Variants in PPP2R2B observed in about 807,000 individuals in gnomAD.
PPP2R2B encodes protein phosphatase 2 regulatory subunit Bbeta.
Under a neutral mutation model 46.0 loss-of-function variants are expected in PPP2R2B, and 5 were observed. The ratio of observed to expected loss-of-function variants is 0.11; its 90% confidence interval spans 0.06 to 0.23. PPP2R2B has a LOEUF of 0.23. Among genes scored for constraint, PPP2R2B ranks in the 10% least tolerant of loss-of-function variants. PPP2R2B has a pLI of 1.00. For missense variants in PPP2R2B, 367 were observed against 575.0 expected (o/e 0.64, Z 3.70); for synonymous variants, 215 against 206.7 (o/e 1.04, Z -0.34).
chr5:146,619,436 A>T (rs1209365029), intron 7 of PPP2R2B, among the ~76,000 whole-genome samples: 2 of 152,168 alleles, frequency 1.3e-5, no homozygotes, highest in Non-Finnish European at 2.9e-5. Context: ...AGCCTGGGTG[A>T]CAAAGCAAGA....
At chr5:146,682,261 T>G (rs1456577746) in intron 5 of PPP2R2B, among the ~76,000 whole-genome samples, 1 of 152,210 alleles carries the variant, frequency 6.6e-6, no homozygotes, top group Non-Finnish European at 1.5e-5. Context: ...GCATAATGAA[T>G]TGCTAGTCTC....
At chr5:146,597,445 C>T (rs186028000) in intron 8 of PPP2R2B, among the ~76,000 whole-genome samples, 7 of 152,270 alleles carry the variant, frequency 4.6e-5, no homozygotes, top group East Asian at 1.9e-4. Flanking sequence ...TCCCTACCTT[C>T]GATTCAGCAG....
intron 7 of PPP2R2B, among the ~76,000 whole-genome samples, chr5:146,628,719 A>G (rs1774224573): frequency 6.6e-6 from 1 of 152,222 alleles, no homozygotes; most frequent in African/African-American, 2.4e-5. Flanking sequence ...GCAAATGTGT[A>G]CTGGGAACCT....
At chr5:146,858,305 C>T (rs1264387295) in intron 2 of PPP2R2B, among the ~76,000 whole-genome samples, 2 of 152,094 alleles carry the variant, frequency 1.3e-5, no homozygotes, top group Non-Finnish European at 1.5e-5. Context: ...TGGTCCAGTG[C>T]AAATAATACT....
intron 2 of PPP2R2B, among the ~76,000 whole-genome samples, chr5:146,736,017 C>T (rs983523882): frequency 9.2e-5 from 14 of 152,128 alleles, no homozygotes; most frequent in African/African-American, 3.4e-4. Context: ...ATAATCCCCA[C>T]GTGTTATGGG....
chr5:146,872,004 C>T (rs1208801121), intron 2 of PPP2R2B, among the ~76,000 whole-genome samples: 1 of 152,112 alleles, frequency 6.6e-6, no homozygotes, highest in Non-Finnish European at 1.5e-5. Flanking sequence ...GTTTCTTTCC[C>T]TCAGCTAAGT....
intron 2 of PPP2R2B, among the ~76,000 whole-genome samples, chr5:146,828,040 A>G (rs1175205060): frequency 1.3e-5 from 2 of 152,086 alleles, no homozygotes; most frequent in Non-Finnish European, 2.9e-5. Flanking sequence ...ACAGAGACAG[A>G]GACAGACAAT....
At chr5:146,808,792 G>C (rs1309343755) in intron 2 of PPP2R2B, among the ~76,000 whole-genome samples, 1 of 152,190 alleles carries the variant, frequency 6.6e-6, no homozygotes, top group Non-Finnish European at 1.5e-5. Flanking sequence ...CAACTGTTGG[G>C]CCTTAAATTA....
chr5:146,889,996 G>A (rs1023415357), intron 1 of PPP2R2B, among the ~76,000 whole-genome samples: 4 of 152,360 alleles, frequency 2.6e-5, no homozygotes, highest in African/African-American at 9.6e-5. Flanking sequence ...AGACGAGCAT[G>A]AGACCTGGTG....
Position 146,798,789 on chromosome 5 carries a change from T to C in PPP2R2B, c.70+79213A>G, listed in dbSNP as rs542280521. Among the ~76,000 whole-genome samples, 17 of 152,294 alleles carry C rather than the reference T, an allele frequency of 1.1e-4. No homozygotes were observed. The East Asian group carries it at 2.5e-3, about 23-fold the overall frequency. ...GCACTAATATTATAGAAGGGAATTG[T>C]AGCTTCAGGAATTAACTTTCTCCAG... is the stretch of plus-strand genomic sequence containing the variant. On this transcript the variant is annotated intron_variant, in intron 2 of 9. Transcript: ENST00000394411.
chr5:147,051,264 G>A (rs1476001290), intron 1 of PPP2R2B, among the ~76,000 whole-genome samples: 1 of 152,178 alleles, frequency 6.6e-6, no homozygotes, highest in Non-Finnish European at 1.5e-5. Context: ...GTTCTGAATA[G>A]GTTGCGTCTG....
At chr5:146,663,012 T>G (rs2151110486) in intron 5 of PPP2R2B, among the ~76,000 whole-genome samples, 1 of 152,326 alleles carries the variant, frequency 6.6e-6, no homozygotes, top group African/African-American at 2.4e-5. Context: ...CTGATGAATC[T>G]TTTAATTTTT....
intron 1 of PPP2R2B, among the ~76,000 whole-genome samples, chr5:146,931,059 A>T (rs148564871): frequency 1.9e-3 from 281 of 149,588 alleles, no homozygotes; most frequent in African/African-American, 6.6e-3. Context: ...GCCAAAGATA[A>T]TTTTTTTTTT....
chr5:147,077,281 C>CACACAT lies in PPP2R2B; in HGVS notation c.50+3777_50+3778insATGTGT, dbSNP rs1312459595. 8.9e-5 allele frequency among the ~76,000 whole-genome samples: 12 copies of CACACAT among 135,154 alleles called. No individual in the cohort carries two copies. In the East Asian group the frequency reaches 2.3e-3, roughly 25 times the overall value. 88.7% of individuals were successfully genotyped at this position (135,154 alleles called of 152,430 possible). ...ACATATATGTATGTGTGTATACACACACACACACACACACACACACACACA... is the reference window on the plus strand; with the variant it reads ...ACATATATGTATGTGTGTATACACACACACATACACACACACACACACACACACACA... On this transcript the variant is annotated intron_variant, in intron 2 of 10. Transcript: ENST00000394413.
intron 2 of PPP2R2B, among the ~76,000 whole-genome samples, chr5:146,809,670 C>A (rs1026416451): frequency 9.2e-5 from 14 of 152,144 alleles, no homozygotes; most frequent in African/African-American, 3.1e-4. Context: ...ACACAGAGAC[C>A]AGATCTTGCG....
chr5:146,698,476 T>C (rs1438123467), intron 3 of PPP2R2B, among the ~76,000 whole-genome samples: 1 of 151,600 alleles, frequency 6.6e-6, no homozygotes, highest in Non-Finnish European at 1.5e-5. Flanking sequence ...TAATATTTTC[T>C]TTTTGCATCC....
At chr5:146,996,426 G>A (rs529053616) in intron 1 of PPP2R2B, among the ~76,000 whole-genome samples, 29 of 152,222 alleles carry the variant, frequency 1.9e-4, no homozygotes, top group Non-Finnish European at 3.4e-4. Flanking sequence ...GAAAGTGTAA[G>A]GAAATAGAAG....
chr5:146,676,105 G>A (rs756819896), intron 5 of PPP2R2B, among the ~76,000 whole-genome samples: 10 of 151,982 alleles, frequency 6.6e-5, no homozygotes, highest in Non-Finnish European at 1.3e-4. Flanking sequence ...GGCAGCTGGG[G>A]GCTAGAGGGC....
At chr5:146,616,334 T>C (rs569725226) in intron 7 of PPP2R2B, among the ~76,000 whole-genome samples, 5 of 152,292 alleles carry the variant, frequency 3.3e-5, no homozygotes, top group Admixed American at 2.6e-4. Context: ...GGCAAATATT[T>C]CTTGAGGGAT....
Sources: allele counts gnomAD v4.1 joint callset (sites outside exome capture counted in the v4.1 genomes callset), GRCh38; gene constraint gnomAD v4.1.1; transcripts MANE v1.5; gene names NCBI Gene and HGNC (gene_info 2026-07-23, HGNC 2026-07-21).